The following PRKCE variants were observed in gnomAD, a reference collection of about 807,000 sequenced individuals.
The protein encoded by PRKCE is protein kinase C epsilon type.
In PRKCE, 16 loss-of-function variants were observed where a neutral mutation model predicts 85.4. The ratio of observed to expected loss-of-function variants is 0.19; its 90% CI spans 0.13 to 0.28. PRKCE has a LOEUF of 0.28. Among genes scored for constraint, PRKCE ranks in the 10% least tolerant of loss-of-function variants. The pLI is 1.00. For missense variants in PRKCE, 573 were observed against 975.2 expected (o/e 0.59, Z 5.49); for synonymous variants, 388 against 371.5 (o/e 1.04, Z -0.51).
At chr2:46,097,140 C>A (rs1402883631) in intron 11 of PRKCE, among the ~76,000 whole-genome samples, 1 of 152,084 alleles carries the variant, frequency 6.6e-6, no homozygotes, top group Non-Finnish European at 1.5e-5. Flanking sequence ...CTTTGGGACC[C>A]AGGGACAGGA....
rs1677140026 is a variant in PRKCE, at chr2:46,155,805, C to G, written c.1921-3801C>G. On this transcript the variant is annotated intron_variant, in intron 13 of 14. Coordinates refer to ENST00000306156, the MANE Select transcript of PRKCE (RefSeq NM_005400.3). The surrounding 1 kb of genome is among the most constrained non-coding windows in gnomAD (Gnocchi z 4.7). ...TTACCTTTCTCCATCCTTCTCCCCA[C>G]TATCCCCATTGGAGCCACCACCGCC... Among the ~76,000 whole-genome samples the G allele has an allele frequency of 6.6e-6, 1 of 152,140 alleles. No individual in the cohort carries two copies. Among genetic ancestry groups the G allele is most frequent in the Non-Finnish European group, 1.5e-5 (1 of 68,024 alleles).
At chr2:46,056,099 A>G (rs1420572731) in intron 10 of PRKCE, among the ~76,000 whole-genome samples, 1 of 152,196 alleles carries the variant, frequency 6.6e-6, no homozygotes, top group African/African-American at 2.4e-5. Context: ...CTCATCTGTA[A>G]AATGGAAGCA....
intron 11 of PRKCE, among the ~76,000 whole-genome samples, chr2:46,128,967 C>A (rs2104391701): frequency 6.6e-6 from 1 of 152,240 alleles, no homozygotes; most frequent in African/African-American, 2.4e-5. Flanking sequence ...GAGCTCAGGG[C>A]TTCTCAGGAC....
intron 1 of PRKCE, among the ~76,000 whole-genome samples, chr2:45,754,143 G>A (rs764172247): frequency 1.1e-4 from 17 of 152,212 alleles, no homozygotes; most frequent in South Asian, 6.2e-4. Context: ...CAGAGCTGTT[G>A]AAATGCATCT....
At chr2:45,887,110 C>T (rs941827420) in intron 2 of PRKCE, among the ~76,000 whole-genome samples, 4 of 152,200 alleles carry the variant, frequency 2.6e-5, no homozygotes, top group Admixed American at 2.6e-4. Flanking sequence ...TGGCTTATAA[C>T]AGAGTTGCTC....
chr2:45,872,493 A>G (rs1325440997), intron 2 of PRKCE, among the ~76,000 whole-genome samples: 1 of 152,216 alleles, frequency 6.6e-6, no homozygotes, highest in Non-Finnish European at 1.5e-5. Context: ...TAACAGCATC[A>G]TTCTGGCTGC....
At chr2:46,173,178 G>T (rs926296554) in intron 14 of PRKCE, among the ~76,000 whole-genome samples, 1 of 152,256 alleles carries the variant, frequency 6.6e-6, no homozygotes, top group Non-Finnish European at 1.5e-5. Flanking sequence ...AATGGTTGAA[G>T]AATACTATTT....
intron 1 of PRKCE, among the ~76,000 whole-genome samples, chr2:45,707,178 G>T (rs1193150271): frequency 6.6e-6 from 1 of 152,190 alleles, no homozygotes; most frequent in Non-Finnish European, 1.5e-5. Flanking sequence ...TTACTTCACA[G>T]GCAGATATTC....
At chr2:46,023,132 A>AAGCT (rs1706822775) in intron 10 of PRKCE, among the ~76,000 whole-genome samples, 1 of 150,276 alleles carries the variant, frequency 6.7e-6, no homozygotes, top group Admixed American at 6.6e-5. Flanking sequence ...GATAGATCCC[A>AAGCT]AGCTGACTTG....
intron 2 of PRKCE, among the ~76,000 whole-genome samples, chr2:45,950,133 C>T (rs1178460202): frequency 6.6e-6 from 1 of 152,164 alleles, no homozygotes; most frequent in Non-Finnish European, 1.5e-5. Flanking sequence ...AAAATGAATG[C>T]TTAGAAAATA....
intron 9 of PRKCE, among the ~76,000 whole-genome samples, chr2:46,009,394 A>G (rs1159639552): frequency 6.6e-6 from 1 of 152,266 alleles, no homozygotes; most frequent in African/African-American, 2.4e-5. Context: ...GGAGACGTGA[A>G]TAATTTACAC....
At chr2:45,961,029 T>G (rs1275285213) in intron 2 of PRKCE, among the ~76,000 whole-genome samples, 1 of 152,210 alleles carries the variant, frequency 6.6e-6, no homozygotes, top group Non-Finnish European at 1.5e-5. Flanking sequence ...ATCACTTTAT[T>G]TTTTAGAATA....
At chr2:45,932,303 G>A (rs1179427451) in intron 2 of PRKCE, among the ~76,000 whole-genome samples, 3 of 151,524 alleles carry the variant, frequency 2.0e-5, no homozygotes, top group South Asian at 2.1e-4. Context: ...GAATATATCC[G>A]TTCTATAACT....
rs34264556 is a variant in PRKCE, at chr2:45,935,067, T to TCTCACACA, written c.413-41361_413-41360insTCACACAC. ...CAAAGCGAGACACTCACTCTCTCTC[T>TCTCACACA]CACACACACACACACACACACACAC... On this transcript the variant is annotated intron_variant, in intron 2 of 14. Coordinates refer to ENST00000306156, the MANE Select transcript of PRKCE (RefSeq NM_005400.3). Among the ~76,000 whole-genome samples, 271 of 146,344 alleles carry TCTCACACA rather than the reference T, an allele frequency of 1.9e-3. 4 individuals are homozygous for TCTCACACA. Among genetic ancestry groups the TCTCACACA allele is most frequent in the Middle Eastern group, 6.8e-3 (2 of 292 alleles).
intron 14 of PRKCE, among the ~76,000 whole-genome samples, chr2:46,160,805 G>A (rs1677682129): frequency 6.6e-6 from 1 of 152,202 alleles, no homozygotes; most frequent in East Asian, 1.9e-4. Context: ...GAGATTTTCT[G>A]GGGAGCCGTT....
chr2:46,107,920 AG>A (rs1189168119), intron 11 of PRKCE, among the ~76,000 whole-genome samples: 1 of 151,740 alleles, frequency 6.6e-6, no homozygotes, highest in Non-Finnish European at 1.5e-5. Context: ...CTTATTGTTG[AG>A]GGTTTTGTTT....
At chr2:46,128,169 A>G (rs918551605) in intron 11 of PRKCE, among the ~76,000 whole-genome samples, 2 of 152,030 alleles carry the variant, frequency 1.3e-5, no homozygotes, top group Non-Finnish European at 2.9e-5. Flanking sequence ...AGTTTTTGTT[A>G]TTGTCATTTG....
chr2:46,120,744 C>T (rs1262787163), intron 11 of PRKCE, among the ~76,000 whole-genome samples: 1 of 152,168 alleles, frequency 6.6e-6, no homozygotes, highest in Non-Finnish European at 1.5e-5. Context: ...TTTGTAACTT[C>T]TCAGATTGTA....
intron 1 of PRKCE, among the ~76,000 whole-genome samples, chr2:45,693,944 A>G (rs537882734): frequency 1.6e-4 from 24 of 152,132 alleles, no homozygotes; most frequent in African/African-American, 4.8e-4. Context: ...TAGGGAACAG[A>G]TAGGGAGTCG....
Sources: allele counts gnomAD v4.1 joint callset (sites outside exome capture counted in the v4.1 genomes callset), GRCh38; gene constraint gnomAD v4.1.1; non-coding constraint Gnocchi (gnomAD v3.1); transcripts MANE v1.5; gene names NCBI Gene and HGNC (gene_info 2026-07-23, HGNC 2026-07-21).